Variants in CSMD1 observed in about 807,000 individuals in gnomAD.
CSMD1 encodes the protein CUB and sushi domain-containing protein 1.
CSMD1 carries 213 observed loss-of-function variants against 417.5 expected under a neutral mutation model. That is an observed-to-expected ratio of 0.51 (90% CI 0.46 to 0.57). The LOEUF (loss-of-function observed/expected upper bound fraction) is 0.57. CSMD1 is among the 20% of genes least tolerant of loss of function. The pLI is 0.00. For missense variants in CSMD1, 6,923 were observed against 4,529.7 expected (o/e 1.53, Z -15.17); for synonymous variants, 2,862 against 1,736.8 (o/e 1.65, Z -16.11).
chr8:3,223,593 G>T, intron 28 of CSMD1, 136 bp downstream of exon 28: 1 of 811,074 alleles, frequency 1.2e-6, no homozygotes, highest in Non-Finnish European at 1.9e-6. Context: ...TTGCAGCCTG[G>T]TGTAGTCTCC....
intron 5 of CSMD1, among the ~76,000 whole-genome samples, chr8:3,925,608 C>T (rs148822799): frequency 1.9e-4 from 29 of 151,994 alleles, no homozygotes; most frequent in Admixed American, 5.9e-4. Flanking sequence ...CTACTATTCT[C>T]GCAACAGTGA....
intron 1 of CSMD1, among the ~76,000 whole-genome samples, chr8:4,712,416 G>A (rs549272956): frequency 2.6e-5 from 4 of 152,078 alleles, no homozygotes; most frequent in Non-Finnish European, 5.9e-5. Context: ...AAAACCAGAA[G>A]GATGCAGGAC....
intron 26 of CSMD1, among the ~76,000 whole-genome samples, chr8:3,273,541 G>T (rs915034744): frequency 6.6e-6 from 1 of 152,108 alleles, no homozygotes; most frequent in Non-Finnish European, 1.5e-5. Flanking sequence ...GGTAGAATTC[G>T]GTTGTGAGTC....
Position 4,216,646 on chromosome 8 carries a change from C to G in CSMD1, c.416-184547G>C, listed in dbSNP as rs542528997. On this transcript the variant is annotated intron_variant, in intron 3 of 69. Coordinates refer to ENST00000635120, the MANE Select transcript of CSMD1 (RefSeq NM_033225.6). ...ATGCTGGGCCTCACAGCCCTGTGTT[C>G]TTTCGTAAATGACTGAGTGAAGGGA... 7.9e-5 allele frequency among the ~76,000 whole-genome samples: 12 copies of G among 152,214 alleles called. No homozygotes were observed. In the South Asian group the frequency reaches 1.7e-3, roughly 21 times the overall value.
At chr8:3,600,656 G>C (rs995726233) in intron 8 of CSMD1, among the ~76,000 whole-genome samples, 1 of 152,168 alleles carries the variant, frequency 6.6e-6, no homozygotes, top group Admixed American at 6.5e-5. Context: ...GATGATAAGA[G>C]ACAGAAAACC....
At chr8:3,519,443 C>G (rs1008471443) in intron 10 of CSMD1, among the ~76,000 whole-genome samples, 1 of 152,150 alleles carries the variant, frequency 6.6e-6, no homozygotes, top group African/African-American at 2.4e-5. Flanking sequence ...GATGAAGTTT[C>G]TTGATCATCT....
intron 10 of CSMD1, among the ~76,000 whole-genome samples, chr8:3,523,244 C>G (rs1411266201): frequency 6.6e-6 from 1 of 152,194 alleles, no homozygotes; most frequent in East Asian, 1.9e-4. Context: ...AGACCTAAAG[C>G]ATCTACCATA....
At chr8:3,874,000 G>C (rs971406593) in intron 5 of CSMD1, among the ~76,000 whole-genome samples, 8 of 152,210 alleles carry the variant, frequency 5.3e-5, no homozygotes, top group Non-Finnish European at 1.2e-4. Context: ...TATACACACT[G>C]TGCGGCTGTA....
chr8:3,281,794 C>T (rs891129622), intron 26 of CSMD1, among the ~76,000 whole-genome samples: 1 of 152,106 alleles, frequency 6.6e-6, no homozygotes, highest in Non-Finnish European at 1.5e-5. Flanking sequence ...GATCTGCGTC[C>T]CCACCCATGT....
At chr8:4,722,253 T>G (rs911334040) in intron 1 of CSMD1, among the ~76,000 whole-genome samples, 1 of 152,146 alleles carries the variant, frequency 6.6e-6, no homozygotes, top group Non-Finnish European at 1.5e-5. Context: ...ACTATGCATA[T>G]CAAGCTATCA....
chr8:3,433,868 C>G (rs955171615), intron 12 of CSMD1, among the ~76,000 whole-genome samples: 5 of 152,210 alleles, frequency 3.3e-5, no homozygotes, highest in African/African-American at 1.2e-4. Context: ...AAATTGCTTC[C>G]TGCTTCAACT....
At chr8:4,298,959 T>C (rs566757145) in intron 3 of CSMD1, among the ~76,000 whole-genome samples, 2 of 152,224 alleles carry the variant, frequency 1.3e-5, no homozygotes, top group Admixed American at 1.3e-4. Context: ...ATATGTCATA[T>C]ATAATAGAAC....
At chr8:4,153,069 G>A (rs768265062) in intron 3 of CSMD1, among the ~76,000 whole-genome samples, 1 of 152,064 alleles carries the variant, frequency 6.6e-6, no homozygotes, top group Non-Finnish European at 1.5e-5. Flanking sequence ...TTTTTGAAGG[G>A]GGTATGATTC....
intron 5 of CSMD1, among the ~76,000 whole-genome samples, chr8:3,893,305 A>T (rs1248152786): frequency 7.9e-5 from 11 of 139,892 alleles, no homozygotes; most frequent in Non-Finnish European, 1.5e-4. Context: ...TGTAAAGAAA[A>T]ATTTTATGTC....
At position 4,385,184 on chromosome 8, in the gene CSMD1, T is replaced by A. The variant is rs574264005; in HGVS notation, c.415+34769A>T. Among the ~76,000 whole-genome samples the A allele has an allele frequency of 3.5e-4, 53 of 152,264 alleles. 1 individual carries two copies. The highest frequency in any genetic ancestry group is 6.8e-3 in the Middle Eastern group (2 of 292). ...TCAGGTGATCCTCCCCGTCTCGGCG[T>A]CTTAAAGTGATGTGATTACAGGCAT... On this transcript the variant is annotated intron_variant, in intron 3 of 69. Transcript: ENST00000635120.
chr8:3,235,787 T>C (rs1273174879), intron 26 of CSMD1, among the ~76,000 whole-genome samples: 3 of 152,084 alleles, frequency 2.0e-5, no homozygotes, highest in African/African-American at 7.2e-5. Context: ...TTATTTGGAA[T>C]ACGTATAACA....
chr8:4,099,251 GTCTT>G (rs994272572), intron 3 of CSMD1, among the ~76,000 whole-genome samples: 8 of 151,556 alleles, frequency 5.3e-5, no homozygotes, highest in African/African-American at 1.9e-4. Flanking sequence ...CTCTTCAAGT[GTCTT>G]TCTTTGTTCT....
intron 11 of CSMD1, among the ~76,000 whole-genome samples, chr8:3,483,721 G>A (rs943614744): frequency 6.6e-6 from 1 of 152,112 alleles, no homozygotes; most frequent in Non-Finnish European, 1.5e-5. Flanking sequence ...TTTTATGAAT[G>A]TAGTTGCAAA....
intron 1 of CSMD1, among the ~76,000 whole-genome samples, chr8:4,801,191 A>G (rs1563428116): frequency 1.3e-5 from 2 of 152,194 alleles, no homozygotes; most frequent in East Asian, 3.9e-4. Context: ...CCCTTTTCCT[A>G]CTTCTGGTCA....
Sources: gnomAD v4.1 joint callset for allele counts (sites outside exome capture counted in the v4.1 genomes callset) on GRCh38, gnomAD v4.1.1 for gene constraint, MANE v1.5 for transcripts, NCBI Gene and HGNC (gene_info 2026-07-23, HGNC 2026-07-21) for gene names.